Variants in CPT2 observed in about 807,000 individuals in gnomAD.
The protein encoded by CPT2 is carnitine palmitoyltransferase 2.
In CPT2, 37 loss-of-function variants were observed where a neutral mutation model predicts 48.6. The observed-to-expected ratio is 0.76, with a 90% confidence interval of 0.59 to 1.00. The LOEUF (loss-of-function observed/expected upper bound fraction) is 1.00. CPT2 is among the 50% of genes least tolerant of loss of function. The pLI, the probability that CPT2 is intolerant of heterozygous loss-of-function variation, is 0.00. For synonymous variants in CPT2, 319 were observed against 326.9 expected, an observed-to-expected ratio of 0.98 and a Z score of 0.26; for missense variants, 772 against 825.6, an observed-to-expected ratio of 0.94 and a Z score of 0.80.
At chr1:53,208,877 G>A (rs1175564948) in intron 3 of CPT2, 4 of 152,198 alleles carry the variant, frequency 2.6e-5, no homozygotes, top group Non-Finnish European at 4.4e-5. Context: ...CACGCCACAA[G>A]ACATGTAACA....
chr1:53,201,141 C>CAGACCAG, intron 2 of CPT2: 1 of 363,832 alleles, frequency 2.7e-6, no homozygotes, highest in Non-Finnish European at 5.3e-6. Flanking sequence ...GACCATACGG[C>CAGACCAG]AGACCAGAAG....
chr1:53,202,747 TCAGA>T (rs1038122168), intron 3 of CPT2: 3 of 379,714 alleles, frequency 7.9e-6, no homozygotes, highest in African/African-American at 6.3e-5. Context: ...TCCTTCACTG[TCAGA>T]CAGAACTGTC....
At chr1:53,211,374 G>C in intron 4 of CPT2, 55 bp downstream of exon 4, 1 of 1,476,246 alleles carries the variant, frequency 6.8e-7, no homozygotes, top group Non-Finnish European at 9.2e-7. Context: ...GCTTGGGTAA[G>C]CAAGCCTAAA....
intron 3 of CPT2, chr1:53,208,587 A>G (rs1163057088): frequency 6.6e-6 from 1 of 152,224 alleles, no homozygotes; most frequent in Non-Finnish European, 1.5e-5. Context: ...GTACAAATGT[A>G]CACTGTACAT....
chr1:53,209,747 G>A, intron 3 of CPT2: 2 of 438,676 alleles, frequency 4.6e-6, no homozygotes, highest in Admixed American at 3.6e-5. Flanking sequence ...CTGTTCTCCA[G>A]CCTGGGCGAC....
chr1:53,197,546 A>C (rs1645331021), intron 1 of CPT2: 1 of 260,386 alleles, frequency 3.8e-6, no homozygotes, highest in Non-Finnish European at 7.6e-6. Flanking sequence ...ACCATTCCTT[A>C]ACTTCTCCCA....
chr1:53,198,730 C>G (rs1645338488), intron 1 of CPT2, among the ~76,000 whole-genome samples: 1 of 152,212 alleles, frequency 6.6e-6, no homozygotes, highest in Admixed American at 6.5e-5. Context: ...ATTCCAACCC[C>G]ATCCATAGCA....
intron 4 of CPT2, chr1:53,211,575 G>T: frequency 2.0e-6 from 1 of 503,072 alleles, no homozygotes; most frequent in Non-Finnish European, 3.5e-6. Context: ...ACTTTCAGCT[G>T]TGACGCATTA....
chr1:53,209,064 A>G (rs1645404758), intron 3 of CPT2: 1 of 152,198 alleles, frequency 6.6e-6, no homozygotes, highest in South Asian at 2.1e-4. Flanking sequence ...TGTTCATAAC[A>G]ACATAATTCT....
intron 4 of CPT2, chr1:53,212,946 T>C (rs1645439104): frequency 1.8e-6 from 1 of 563,586 alleles, no homozygotes; most frequent in Non-Finnish European, 3.1e-6. Flanking sequence ...CATAGCTGTC[T>C]TCCTGTACTG....
intron 3 of CPT2, among the ~76,000 whole-genome samples, chr1:53,205,194 A>G (rs1018064333): frequency 1.3e-5 from 2 of 152,216 alleles, no homozygotes; most frequent in African/African-American, 4.8e-5. Flanking sequence ...GATATGGACA[A>G]TGAAGTCCAG....
chr1:53,209,700 C>T (rs1406795268), intron 3 of CPT2: 14 of 347,228 alleles, frequency 4.0e-5, no homozygotes, highest in African/African-American at 1.7e-4. Flanking sequence ...CGCTTCAATC[C>T]GGGAGGCGGA....
intron 3 of CPT2, among the ~76,000 whole-genome samples, chr1:53,204,622 C>T (rs531703544): frequency 5.3e-5 from 8 of 152,228 alleles, no homozygotes; most frequent in Non-Finnish European, 1.2e-4. Context: ...ACAGGCTTTG[C>T]TCTAATGTGA....
At chr1:53,208,590 C>T (rs1180855537) in intron 3 of CPT2, 2 of 152,184 alleles carry the variant, frequency 1.3e-5, no homozygotes, top group Admixed American at 6.5e-5. Context: ...CAAATGTACA[C>T]TGTACATAGA....
rs567496806 is a variant in CPT2 at position 53,199,677 on chromosome 1, T to TA, written c.153-1040dup. 11 of 152,350 alleles carry TA rather than the reference T, an allele frequency of 7.2e-5. No homozygotes were observed. The East Asian group carries it at 2.1e-3, about 29-fold the overall frequency. 9.4% of individuals were successfully genotyped at this position (152,350 alleles called of 1,614,324 possible). ...AGATAGTATTTGGAATTTTTCTGAG[T>TA]AAGTCAGTGAATGTAAGGGGATCTG... On this transcript the variant is annotated intron_variant, in intron 1 of 4. Transcript: ENST00000371486.
chr1:53,212,838 C>G (rs1016818804), intron 4 of CPT2: 3 of 444,798 alleles, frequency 6.7e-6, no homozygotes, highest in African/African-American at 6.1e-5. Flanking sequence ...GACTGAGATT[C>G]GAACCCTGGT....
At chr1:53,213,117 A>T (rs928098934) in intron 4 of CPT2, 147 bp from the exon 5 acceptor site, 3 of 713,306 alleles carry the variant, frequency 4.2e-6, no homozygotes, top group Non-Finnish European at 7.5e-6. Context: ...TCTGAAGGTT[A>T]GTCAGTTGGT....
rs1476628279 is a variant in CPT2 at position 53,210,376 on chromosome 1, C to T, written c.702C>T (p.Leu234=). ...TACCCAAACCCAGTCGGGATGAACT[C>T]TTCACTGATGACAAGGCCAGACACC... is the stretch of plus-strand genomic sequence containing the variant. The part of the protein sequence containing the change: ...TRLPKPSRDE[L]FTDDKARHLL... Residue 234 remains leucine, a synonymous_variant, in exon 4 of 5, where the codon CTC becomes CTT. Coordinates refer to ENST00000371486, the MANE Select transcript of CPT2 (RefSeq NM_000098.3). 3.1e-6 allele frequency: 5 copies of T among 1,614,118 alleles called. No homozygotes were observed. The highest frequency in any genetic ancestry group is 4.2e-6 in the Non-Finnish European group (5 of 1,180,030).
chr1:53,201,859 A>G (rs781366858), intron 2 of CPT2: 1 of 180,280 alleles, frequency 5.5e-6, no homozygotes, highest in Non-Finnish European at 1.2e-5. Flanking sequence ...GCTACCAGTT[A>G]TTGAGTATTA....
Sources: gnomAD v4.1 joint callset for allele counts (sites outside exome capture counted in the v4.1 genomes callset) on GRCh38, gnomAD v4.1.1 for gene constraint, MANE v1.5 for transcripts, NCBI Gene and HGNC (gene_info 2026-07-23, HGNC 2026-07-21) for gene names.